Variants in PAQR3 observed in about 807,000 individuals in gnomAD.
PAQR3 encodes Raf kinase trapping to Golgi.
In PAQR3, 39 loss-of-function variants were observed where a neutral mutation model predicts 41.7. That is an observed-to-expected ratio of 0.93 (90% CI 0.72 to 1.22). The LOEUF is 1.22. PAQR3 is among the 50% of genes most tolerant of loss of function. The probability of loss-of-function intolerance (pLI) is 0.00; values close to 1 mark genes in which losing one functional copy is unlikely to be tolerated. For synonymous variants in PAQR3, 140 were observed against 140.6 expected, an observed-to-expected ratio of 1.00 and a Z score of 0.03; for missense variants, 366 against 385.6, an observed-to-expected ratio of 0.95 and a Z score of 0.42.
At chr4:78,923,608 T>G in intron 5 of PAQR3, 1 of 488,466 alleles carries the variant, frequency 2.0e-6, no homozygotes, top group Non-Finnish European at 3.6e-6. Context: ...CAAAGTCTAA[T>G]GTCAGCTTTG....
chr4:78,915,867 C>T lies in PAQR3; in HGVS notation c.*4672G>A, dbSNP rs1735010904. 6.6e-6 allele frequency: 1 copy of T among 151,816 alleles called. No individual in the cohort carries two copies. The highest frequency in any genetic ancestry group is 1.5e-5 in the Non-Finnish European group (1 of 67,840). 9.4% of individuals were successfully genotyped at this position (151,816 alleles called of 1,614,324 possible). A position where few individuals can be genotyped will look rare whatever the true frequency, so the allele number is the denominator to read the frequency against. On this transcript the variant is annotated 3_prime_UTR_variant, in exon 6 of 6. Coordinates refer to ENST00000512733, the MANE Select transcript of PAQR3 (RefSeq NM_001040202.2). ...AAAGAATTGTTTTTATGACTATGCT[C>T]TTTTTGTGATTGAAAAGTCATCTAA...
rs993546099 is a variant in PAQR3, at chr4:78,916,707, T to C, written c.*3832A>G. 1.3e-5 allele frequency: 2 copies of C among 151,896 alleles called. No individual in the cohort carries two copies. The highest frequency in any genetic ancestry group is 2.9e-5 in the Non-Finnish European group (2 of 67,848). The allele number at this position is 151,896 out of a possible 1,614,324, so 9.4% of individuals were successfully genotyped here. ...ATAACTTATTTTACAGCTTCCACAT[T>C]ATAAATTTTTAAAAATCTTTAAAAC... On this transcript the variant is annotated 3_prime_UTR_variant, in exon 6 of 6. Transcript: ENST00000512733.
intron 2 of PAQR3, among the ~76,000 whole-genome samples, chr4:78,930,885 T>C (rs13152629): frequency 1.3e-3 from 4 of 3,082 alleles, no homozygotes; most frequent in Admixed American, 5.9e-3. Context: ...ACACATTATA[T>C]ATATATATAT....
At chr4:78,890,410 A>G (rs1034017802) in intron 11 of PAQR3, among the ~76,000 whole-genome samples, 9 of 151,872 alleles carry the variant, frequency 5.9e-5, no homozygotes, top group African/African-American at 1.9e-4. Context: ...ATGCGCACAC[A>G]CACACACACA....
chr4:78,906,433 G>T (rs1734289443), intron 10 of PAQR3, among the ~76,000 whole-genome samples: 1 of 152,116 alleles, frequency 6.6e-6, no homozygotes, highest in Non-Finnish European at 1.5e-5. Context: ...ACTATTTGCA[G>T]ATGTAACCTG....
chr4:78,891,603 T>C (rs1266383109), intron 11 of PAQR3, among the ~76,000 whole-genome samples: 1 of 152,224 alleles, frequency 6.6e-6, no homozygotes, highest in Non-Finnish European at 1.5e-5. Context: ...AGAAATTTCC[T>C]TGGCTTTATA....
rs1189941176 is a variant in PAQR3, at chr4:78,903,295, A to G, written c.*836+2813T>C. On this transcript the variant is annotated intron_variant and NMD_transcript_variant, in intron 11 of 12. Coordinates refer to the PAQR3 transcript ENST00000342820. ...CCTATTGTTATTACCTTGGTCACTCATTTTCCAGATCACTAGAGTCAGATT... is the reference window on the plus strand; with the variant it reads ...CCTATTGTTATTACCTTGGTCACTCGTTTTCCAGATCACTAGAGTCAGATT... 2.6e-5 allele frequency among the ~76,000 whole-genome samples: 4 copies of G among 151,890 alleles called. No homozygotes were observed. The East Asian group carries it at 7.7e-4, about 29-fold the overall frequency.
intron 11 of PAQR3, among the ~76,000 whole-genome samples, chr4:78,895,465 A>G (rs934437436): frequency 5.9e-5 from 9 of 152,162 alleles, no homozygotes; most frequent in Non-Finnish European, 1.2e-4. Context: ...GAAATCCCAG[A>G]GGGTTTAGGA....
At position 78,914,228 on chromosome 4, in the gene PAQR3, A is replaced by T. The variant is rs1734853451; in HGVS notation, c.*6311T>A. 1 of 152,084 alleles carries T rather than the reference A, an allele frequency of 6.6e-6. No individual in the cohort carries two copies. The highest frequency in any genetic ancestry group is 1.5e-5 in the Non-Finnish European group (1 of 67,954). The allele number at this position is 152,084 out of a possible 1,614,324, so 9.4% of individuals were successfully genotyped here. Reference sequence around the variant, plus strand: ...GTAAACATGAAATACCTAGAGTTTTACTTGCTTTTCAATACACTGAATAAT... The same window carrying T: ...GTAAACATGAAATACCTAGAGTTTTTCTTGCTTTTCAATACACTGAATAAT... On this transcript the variant is annotated 3_prime_UTR_variant, in exon 6 of 6. Coordinates refer to ENST00000512733, the MANE Select transcript of PAQR3 (RefSeq NM_001040202.2).
chr4:78,920,690 A>G lies in PAQR3; in HGVS notation c.794-9T>C, dbSNP rs758356709. 6.3e-7 allele frequency: 1 copy of G among 1,593,938 alleles called. No homozygotes were observed. The highest frequency in any genetic ancestry group is 1.1e-5 in the South Asian group (1 of 88,340). On this transcript the variant is annotated splice_polypyrimidine_tract_variant and intron_variant, in intron 5 of 5. Transcript: ENST00000512733. The stretch of plus-strand genomic sequence containing the variant: ...GAGGTAGTTTAGTTGTCCTGGAAAG[A>G]AGGTAGAAAGAAAATGATAATGATT...
chr4:78,914,010 T>G lies in PAQR3; in HGVS notation c.*6529A>C, dbSNP rs1160855784. ...TTCAAGTGATACTTTCTTTTAAAAG[T>G]GAAGAGTTGATGATTACACATAGTA... is the stretch of plus-strand genomic sequence containing the variant. On this transcript the variant is annotated 3_prime_UTR_variant, in exon 6 of 6. Coordinates refer to ENST00000512733, the MANE Select transcript of PAQR3 (RefSeq NM_001040202.2). The G allele has an allele frequency of 6.6e-6, 1 of 152,000 alleles. No homozygotes were observed. The highest frequency in any genetic ancestry group is 1.9e-4 in the East Asian group (1 of 5,202). 9.4% of individuals were successfully genotyped at this position (152,000 alleles called of 1,614,324 possible).
chr4:78,924,062 G>T, intron 4 of PAQR3, 115 bp from the exon 5 acceptor site: 1 of 776,732 alleles, frequency 1.3e-6, no homozygotes, highest in Non-Finnish European at 2.1e-6. Flanking sequence ...TTTGCAGACT[G>T]TCTCCAATAA....
At chr4:78,920,727 A>T in intron 5 of PAQR3, 46 bp from the exon 6 acceptor site, 1 of 1,556,670 alleles carries the variant, frequency 6.4e-7, no homozygotes, top group African/African-American at 1.4e-5. Context: ...CAATATGTTG[A>T]CATTAAAGGA....
intron 10 of PAQR3, among the ~76,000 whole-genome samples, chr4:78,906,530 T>C (rs1560557218): frequency 6.6e-6 from 1 of 152,168 alleles, no homozygotes; most frequent in East Asian, 1.9e-4. Context: ...TTCTCAAATA[T>C]AGCTGTCTAA....
Position 78,939,320 on chromosome 4 carries a change from C to T in PAQR3, c.-96G>A, listed in dbSNP as rs1737796872. The stretch of plus-strand genomic sequence containing the variant: ...GCCGCTGGCGCCCCCGCCCCGGAGC[C>T]CGCGGACGCTGCGCGAGGTCCTACC... On this transcript the variant is annotated 5_prime_UTR_variant, in exon 1 of 6. Coordinates refer to ENST00000512733, the MANE Select transcript of PAQR3 (RefSeq NM_001040202.2). 2 of 1,220,542 alleles carry T rather than the reference C, an allele frequency of 1.6e-6. No homozygotes were observed. Among genetic ancestry groups the T allele is most frequent in the South Asian group, 1.8e-5 (1 of 56,474 alleles). The allele number at this position is 1,220,542 out of a possible 1,614,324, so 75.6% of individuals were successfully genotyped here.
chr4:78,910,882 C>T, downstream of PAQR3: 1 of 1,613,910 alleles, frequency 6.2e-7, no homozygotes, highest in Non-Finnish European at 8.5e-7. Context: ...TGATACTGAA[C>T]CAGAAAATCT....
At position 78,939,038 on chromosome 4, in the gene PAQR3, AC is replaced by A; in HGVS notation, c.185+1del. 1 of 1,597,500 alleles carries A rather than the reference AC, an allele frequency of 6.3e-7. No individual in the cohort carries two copies. On this transcript the variant is annotated splice_donor_variant, in intron 1 of 5. Coordinates refer to ENST00000512733, the MANE Select transcript of PAQR3 (RefSeq NM_001040202.2). LOFTEE classifies it high-confidence loss of function. ...CTCCAGGCGGAGGCAGCCAGACCGT[AC>A]CTTTTGATACACAGCCTGGACGGCA... is the stretch of plus-strand genomic sequence containing the variant.
At chr4:78,889,917 C>G (rs1733339336) in intron 11 of PAQR3, among the ~76,000 whole-genome samples, 1 of 152,150 alleles carries the variant, frequency 6.6e-6, no homozygotes, top group Non-Finnish European at 1.5e-5. Flanking sequence ...AGTTTTAAGT[C>G]TAATGCTAAT....
rs1577996232 is a variant in PAQR3 at position 78,915,285 on chromosome 4, T to C, written c.*5254A>G. 1 of 152,034 alleles carries C rather than the reference T, an allele frequency of 6.6e-6. No individual in the cohort carries two copies. The highest frequency in any genetic ancestry group is 2.4e-5 in the African/African-American group (1 of 41,430). The allele number at this position is 152,034 out of a possible 1,614,324, so 9.4% of individuals were successfully genotyped here. On this transcript the variant is annotated 3_prime_UTR_variant, in exon 6 of 6. Coordinates refer to ENST00000512733, the MANE Select transcript of PAQR3 (RefSeq NM_001040202.2). ...ATCTAAGGTGGAGCCCACTCTTCTA[T>C]GCTGAAGTTCACCAGGCAGAGCAGT...
Sources: allele counts gnomAD v4.1 joint callset (sites outside exome capture counted in the v4.1 genomes callset), GRCh38; gene constraint gnomAD v4.1.1; transcripts MANE v1.5; gene names NCBI Gene and HGNC (gene_info 2026-07-23, HGNC 2026-07-21).